KDM2B: variants seen among roughly 807,000 people sequenced by gnomAD.
The protein encoded by KDM2B is lysine-specific demethylase 2B.
A neutral mutation model predicts 150.0 loss-of-function variants in KDM2B; 26 were observed. The ratio of observed to expected loss-of-function variants is 0.17; its 90% CI spans 0.13 to 0.24. KDM2B has a LOEUF of 0.24. Ranked by LOEUF, KDM2B falls within the 10% of genes least tolerant of loss-of-function variation. KDM2B has a pLI of 1.00. For missense variants in KDM2B, 1,265 were observed against 1,816.9 expected (o/e 0.70, Z 5.52); for synonymous variants, 734 against 729.5 (o/e 1.01, Z -0.10).
intron 12 of KDM2B, among the ~76,000 whole-genome samples, chr12:121,480,706 G>A (rs1220501652): frequency 1.3e-5 from 2 of 151,784 alleles, no homozygotes; most frequent in African/African-American, 4.8e-5. Context: ...AGGAGACAGG[G>A]TTGCAGTGAG....
At chr12:121,525,777 T>C (rs1448557899) in intron 8 of KDM2B, among the ~76,000 whole-genome samples, 1 of 152,048 alleles carries the variant, frequency 6.6e-6, no homozygotes, top group Non-Finnish European at 1.5e-5. Context: ...CTTGCTGGAG[T>C]GTAAGAAATA....
chr12:121,510,800 AAT>A (rs1555303863), intron 10 of KDM2B, among the ~76,000 whole-genome samples: 10 of 25,414 alleles, frequency 3.9e-4, no homozygotes, highest in East Asian at 1.1e-3. Context: ...CTCAAAAAAT[AAT>A]AATAATAATA....
rs1478445616 is a variant in KDM2B, at chr12:121,527,298, T to C, written c.931+5508A>G. Reference sequence around the variant, plus strand: ...GTCTCAATCTCCTGATCTGCCCGCCTTGGCCTCCCAAAGTGCTGGGATTAC... The same window carrying C: ...GTCTCAATCTCCTGATCTGCCCGCCCTGGCCTCCCAAAGTGCTGGGATTAC... On this transcript the variant is annotated intron_variant, in intron 8 of 22. Transcript: ENST00000377071. Among the ~76,000 whole-genome samples, 64 of 140,514 alleles carry C rather than the reference T, an allele frequency of 4.6e-4. No individual in the cohort carries two copies. In the Admixed American group the frequency reaches 4.7e-3, roughly 10 times the overall value. 92.2% of individuals were successfully genotyped at this position (140,514 alleles called of 152,430 possible).
rs964646874 is a variant in KDM2B, at chr12:121,452,599, C to T, written c.1959+521G>A. Among the ~76,000 whole-genome samples the T allele has an allele frequency of 6.6e-6, 1 of 152,280 alleles. No individual in the cohort carries two copies. On this transcript the variant is annotated intron_variant, in intron 13 of 22. Coordinates refer to ENST00000377071, the MANE Select transcript of KDM2B (RefSeq NM_032590.5). This position sits in a 1 kb window ranked among gnomAD's most constrained non-coding sequence, Gnocchi z 4.4. ...CAAACCCCGCGACCTCGCCCCGTTG[C>T]GAAGTCCATGTCCACTGCCCTGTCT...
chr12:121,410,708 G>A, the KDM2B span, among the ~76,000 whole-genome samples: 3 of 152,290 alleles, frequency 2.0e-5, no homozygotes, highest in African/African-American at 4.8e-5. Flanking sequence ...TCAATATGAT[G>A]CTAAGGTTAT....
chr12:121,565,799 G>C (rs1285195556), intron 4 of KDM2B, among the ~76,000 whole-genome samples: 1 of 150,420 alleles, frequency 6.6e-6, no homozygotes, highest in Non-Finnish European at 1.5e-5. Flanking sequence ...CTTATTTTTT[G>C]TATTTTTAGT....
intron 2 of KDM2B, among the ~76,000 whole-genome samples, chr12:121,577,848 C>T (rs1891611400): frequency 6.6e-6 from 1 of 152,196 alleles, no homozygotes; most frequent in Admixed American, 6.5e-5. Context: ...ACACTGGCTG[C>T]AGGCTGGGAA....
chr12:121,542,152 A>C (rs1425660351), intron 6 of KDM2B, among the ~76,000 whole-genome samples: 1 of 152,180 alleles, frequency 6.6e-6, no homozygotes, highest in African/African-American at 2.4e-5. Flanking sequence ...ACCATTCACT[A>C]TGGGGAACCC....
rs531464912 is a variant in KDM2B, at chr12:121,466,506, G to C, written c.1735-13162C>G. Among the ~76,000 whole-genome samples the C allele has an allele frequency of 1.8e-3, 277 of 151,418 alleles. 1 individual carries two copies. Among genetic ancestry groups the C allele is most frequent in the African/African-American group, 6.3e-3 (262 of 41,438 alleles). On this transcript the variant is annotated intron_variant, in intron 12 of 22. Coordinates refer to ENST00000377071, the MANE Select transcript of KDM2B (RefSeq NM_032590.5). Reference sequence around the variant, plus strand: ...GCCAACTCCTGCCATCTGGGGTCGCGGCTTCCTCCGCCGCCGCCGCCGCTG... The same window carrying C: ...GCCAACTCCTGCCATCTGGGGTCGCCGCTTCCTCCGCCGCCGCCGCCGCTG...
rs782668474 is a variant in KDM2B at position 121,442,781 on chromosome 12, C to T, written c.2660G>A (p.Arg887Gln). Reference protein sequence around the residue: ...DRMALANKPLRRFKQEPEDEL... With the variant: ...DRMALANKPLQRFKQEPEDEL... ...GTCCTCGGGTTCCTGCTTGAAGCGC[C>T]GGAGGGGCTTGTTGGCCAGCGCCAT... is the stretch of plus-strand genomic sequence containing the variant. Residue 887 changes from arginine to glutamine, a missense_variant, in exon 19 of 23, where the codon CGG (arginine) becomes CAG (glutamine). Physicochemically the swap from Arg to Gln is conservative, Grantham distance 43 (BLOSUM62 1). Transcript: ENST00000377071. The surrounding 1 kb of genome is among the most constrained non-coding windows in gnomAD (Gnocchi z 7.7). 12 of 1,541,714 alleles carry T rather than the reference C, an allele frequency of 7.8e-6. No homozygotes were observed. The highest frequency in any genetic ancestry group is 2.1e-5 in the Admixed American group (1 of 46,660).
chr12:121,434,272 AC>A (rs782281547), intron 22 of KDM2B, among the ~76,000 whole-genome samples: 24 of 151,860 alleles, frequency 1.6e-4, no homozygotes, highest in Non-Finnish European at 2.4e-4. Context: ...GTGGTGACTC[AC>A]GCCTATAATC....
chr12:121,579,347 G>A (rs565547757), intron 1 of KDM2B, among the ~76,000 whole-genome samples: 1 of 152,364 alleles, frequency 6.6e-6, no homozygotes, highest in Admixed American at 6.5e-5. Context: ...TGCGGCGCCC[G>A]GCTCGGCGGT....
chr12:121,529,758 C>T (rs1347001159), intron 8 of KDM2B, among the ~76,000 whole-genome samples: 1 of 151,622 alleles, frequency 6.6e-6, no homozygotes, highest in Non-Finnish European at 1.5e-5. Flanking sequence ...GGCAAAACCC[C>T]GTTGCTACTA....
intron 11 of KDM2B, 125 bp downstream of exon 11, chr12:121,509,442 G>A (rs1555303445): frequency 6.8e-7 from 1 of 1,479,436 alleles, no homozygotes; most frequent in African/African-American, 1.4e-5. Context: ...CCCCCTCGCA[G>A]CGCCCACCCG....
rs1555317934 is a variant in KDM2B at position 121,580,927 on chromosome 12, G to C, written c.-16C>G. ...GACCCGCCATGTGGAGGAGGCATTT[G>C]GGGGGCTCAGAAGGAAATTAGCTCG... is the stretch of plus-strand genomic sequence containing the variant. On this transcript the variant is annotated 5_prime_UTR_variant, in exon 1 of 23. Coordinates refer to ENST00000377071, the MANE Select transcript of KDM2B (RefSeq NM_032590.5). 1.2e-6 allele frequency: 2 copies of C among 1,612,166 alleles called. No individual in the cohort carries two copies. Among genetic ancestry groups the C allele is most frequent in the Non-Finnish European group, 8.5e-7 (1 of 1,179,336 alleles).
At chr12:121,441,270 T>G in intron 19 of KDM2B, 37 bp from the exon 20 acceptor site, 9 of 1,604,244 alleles carry the variant, frequency 5.6e-6, no homozygotes, top group Non-Finnish European at 7.7e-6. Flanking sequence ...TCGTCAGAGG[T>G]GGGGCTCCTC....
intron 3 of KDM2B, 94 bp from the exon 4 acceptor site, chr12:121,574,687 G>A: frequency 8.8e-7 from 1 of 1,132,610 alleles, no homozygotes; most frequent in South Asian, 1.3e-5. Context: ...TTCCAAGAGA[G>A]ATCCTTTCCC....
intron 12 of KDM2B, 170 bp downstream of exon 12, chr12:121,494,409 C>T: frequency 1.8e-6 from 1 of 568,970 alleles, no homozygotes; most frequent in Non-Finnish European, 3.1e-6. Flanking sequence ...TAAAGCAACC[C>T]CCTTTTAAAA....
At chr12:121,502,109 A>G (rs550183804) in intron 11 of KDM2B, among the ~76,000 whole-genome samples, 2 of 152,284 alleles carry the variant, frequency 1.3e-5, no homozygotes, top group Non-Finnish European at 2.9e-5. Flanking sequence ...ACAGGCTCGC[A>G]CATTTGACCC....
Sources: gnomAD v4.1 joint callset for allele counts (sites outside exome capture counted in the v4.1 genomes callset) on GRCh38, gnomAD v4.1.1 for gene constraint, Gnocchi (gnomAD v3.1) non-coding constraint, MANE v1.5 for transcripts, NCBI Gene and HGNC (gene_info 2026-07-23, HGNC 2026-07-21) for gene names.